Variants in PEBP4 observed in about 807,000 individuals in gnomAD.
PEBP4 encodes phosphatidylethanolamine-binding protein 4.
In PEBP4, 22 loss-of-function variants were observed where a neutral mutation model predicts 23.9. That is an observed-to-expected ratio of 0.92 (90% confidence interval 0.66 to 1.31). The LOEUF (loss-of-function observed/expected upper bound fraction) is 1.31. Ranked by LOEUF, PEBP4 falls within the 40% of genes most tolerant of loss-of-function variation. The pLI is 0.00. For synonymous variants in PEBP4, 112 were observed against 99.3 expected, an observed-to-expected ratio of 1.13 and a Z score of -0.76; for missense variants, 324 against 281.7, an observed-to-expected ratio of 1.15 and a Z score of -1.07.
intron 6 of PEBP4, among the ~76,000 whole-genome samples, chr8:22,722,437 C>G (rs921100214): frequency 2.6e-5 from 4 of 152,198 alleles, no homozygotes; most frequent in Admixed American, 2.6e-4. Flanking sequence ...TTGCCTCACT[C>G]TACAATAAAA....
chr8:22,785,257 G>A (rs903881018), intron 4 of PEBP4, among the ~76,000 whole-genome samples: 1 of 152,174 alleles, frequency 6.6e-6, no homozygotes, highest in African/African-American at 2.4e-5. Context: ...AAAAGCCGTT[G>A]GCCCTCAGCT....
chr8:22,793,583 T>C (rs1008395538), intron 4 of PEBP4, among the ~76,000 whole-genome samples: 26 of 152,234 alleles, frequency 1.7e-4, no homozygotes, highest in African/African-American at 5.5e-4. Flanking sequence ...ACCTGGTTGG[T>C]TGCATAATAG....
At chr8:22,778,984 G>A (rs939416675) in intron 4 of PEBP4, among the ~76,000 whole-genome samples, 1 of 151,828 alleles carries the variant, frequency 6.6e-6, no homozygotes, top group African/African-American at 2.4e-5. Flanking sequence ...CTGCCTGCGT[G>A]GGGGGCACGG....
At chr8:22,819,532 G>A (rs144039804) in intron 3 of PEBP4, among the ~76,000 whole-genome samples, 8 of 152,328 alleles carry the variant, frequency 5.3e-5, no homozygotes, top group African/African-American at 1.9e-4. Context: ...GGAAATTTTG[G>A]TAGGAAGGAC....
chr8:22,814,314 T>C (rs1020771404), intron 4 of PEBP4, among the ~76,000 whole-genome samples: 1 of 152,214 alleles, frequency 6.6e-6, no homozygotes, highest in African/African-American at 2.4e-5. Flanking sequence ...TAGTGTTCTA[T>C]ATATATTTCT....
At chr8:22,822,150 AG>A (rs1806873058) in intron 3 of PEBP4, among the ~76,000 whole-genome samples, 1 of 152,166 alleles carries the variant, frequency 6.6e-6, no homozygotes, top group Non-Finnish European at 1.5e-5. Flanking sequence ...TGTGACAATG[AG>A]GGGATTATGG....
intron 3 of PEBP4, among the ~76,000 whole-genome samples, chr8:22,853,850 C>T (rs1807591794): frequency 1.3e-5 from 2 of 152,346 alleles, no homozygotes; most frequent in East Asian, 1.9e-4. Context: ...GAGTTGGGAT[C>T]TGCAGATGAA....
At chr8:22,933,011 A>G (rs1216166729) in intron 1 of PEBP4, among the ~76,000 whole-genome samples, 2 of 151,794 alleles carry the variant, frequency 1.3e-5, no homozygotes, top group East Asian at 3.9e-4. Context: ...TCTCCAAAAA[A>G]AAAAAAAAAG....
At chr8:22,772,491 CTCTTTTT>C (rs1445065782) in intron 4 of PEBP4, among the ~76,000 whole-genome samples, 7 of 93,432 alleles carry the variant, frequency 7.5e-5, no homozygotes, top group Admixed American at 2.6e-4. Context: ...CTCTCTCTCT[CTCTTTTT>C]TTTTTTTTTT....
At chr8:22,863,148 A>C (rs1807817253) in intron 3 of PEBP4, among the ~76,000 whole-genome samples, 1 of 152,150 alleles carries the variant, frequency 6.6e-6, no homozygotes, top group African/African-American at 2.4e-5. Context: ...TGCTGTTGGC[A>C]GTGAAAGGCG....
intron 4 of PEBP4, chr8:22,798,745 T>C (rs1325230134): frequency 2.1e-4 from 28 of 132,826 alleles, no homozygotes; most frequent in African/African-American, 8.7e-4. Context: ...TTTTTTTTTT[T>C]TTTTTTTTTG....
chr8:22,746,854 G>T (rs941972784), intron 4 of PEBP4, among the ~76,000 whole-genome samples: 1 of 152,192 alleles, frequency 6.6e-6, no homozygotes, highest in Non-Finnish European at 1.5e-5. Flanking sequence ...CGGAGGAATG[G>T]AGTTGTAAAA....
In PEBP4 at chr8:22,751,112, G is replaced by A. The variant is rs146337486; in HGVS notation, c.358-23892C>T. 8.8e-3 allele frequency among the ~76,000 whole-genome samples: 1,341 copies of A among 152,324 alleles called. 20 individuals are homozygous for A. The highest frequency in any genetic ancestry group is 0.031 in the African/African-American group (1,285 of 41,556). On this transcript the variant is annotated intron_variant, in intron 4 of 6. Coordinates refer to ENST00000256404, the MANE Select transcript of PEBP4 (RefSeq NM_144962.3). ...TGTCTGAAACTTGTGGTAAGACTCA[G>A]TGCTGGGTTGTGAAATCTGTCCCAG...
chr8:22,879,579 TC>T (rs1808200475), intron 3 of PEBP4, among the ~76,000 whole-genome samples: 2 of 152,254 alleles, frequency 1.3e-5, no homozygotes, highest in South Asian at 4.2e-4. Flanking sequence ...ACAGGCTCAT[TC>T]CCATATAGCT....
At chr8:22,758,833 A>T (rs1321199481) in intron 4 of PEBP4, among the ~76,000 whole-genome samples, 1 of 151,990 alleles carries the variant, frequency 6.6e-6, no homozygotes, top group Non-Finnish European at 1.5e-5. Context: ...AGGGCTTGGG[A>T]TATTTTATCA....
chr8:22,804,568 G>A lies in PEBP4; in HGVS notation c.357+13069C>T, dbSNP rs372702624. ...TATGGTACTACTAAGTATAGGCACC[G>A]TGTTGTACAGCAGATCTCCAGGACT... On this transcript the variant is annotated intron_variant, in intron 4 of 6. Transcript: ENST00000256404. Among the ~76,000 whole-genome samples the A allele has an allele frequency of 3.2e-4, 49 of 152,122 alleles. No individual in the cohort carries two copies. In the South Asian group the frequency reaches 1.0e-2, roughly 31 times the overall value.
chr8:22,809,417 C>A (rs1806570187), intron 4 of PEBP4, among the ~76,000 whole-genome samples: 1 of 152,142 alleles, frequency 6.6e-6, no homozygotes, highest in Non-Finnish European at 1.5e-5. Flanking sequence ...ACCAGCATCA[C>A]CACCTCTGAG....
At chr8:22,926,339 T>TTTGTTG (rs762590447) in intron 2 of PEBP4, among the ~76,000 whole-genome samples, 4 of 151,778 alleles carry the variant, frequency 2.6e-5, no homozygotes, top group South Asian at 2.1e-4. Context: ...TTTGTTACTT[T>TTTGTTG]TTGTTGTTGT....
intron 6 of PEBP4, among the ~76,000 whole-genome samples, chr8:22,717,026 G>C (rs776200772): frequency 3.3e-5 from 5 of 152,224 alleles, no homozygotes; most frequent in African/African-American, 4.8e-5. Flanking sequence ...TAGCAGACAA[G>C]GTCCCCACCC....
Sources: gnomAD v4.1 joint callset for allele counts (sites outside exome capture counted in the v4.1 genomes callset) on GRCh38, gnomAD v4.1.1 for gene constraint, MANE v1.5 for transcripts, NCBI Gene and HGNC (gene_info 2026-07-23, HGNC 2026-07-21) for gene names.